Variants in TBCK observed in about 807,000 individuals in gnomAD.
TBCK encodes the protein TBC domain-containing protein kinase-like protein.
Under a neutral mutation model 113.4 loss-of-function variants are expected in TBCK, and 99 were observed. The ratio of observed to expected loss-of-function variants is 0.87; its 90% CI spans 0.74 to 1.03. The LOEUF (loss-of-function observed/expected upper bound fraction) is 1.03. Ranked by LOEUF, TBCK falls within the 50% of genes least tolerant of loss-of-function variation. The pLI is 0.00. For synonymous variants in TBCK, 369 were observed against 370.8 expected (o/e 1.00, Z 0.05); for missense variants, 1,045 against 1,061.3 (o/e 0.98, Z 0.21).
intron 13 of TBCK, 68 bp downstream of exon 13, chr4:106,236,691 T>C (rs979170758): frequency 5.7e-6 from 6 of 1,054,794 alleles, no homozygotes; most frequent in Admixed American, 7.1e-5. Flanking sequence ...AGAAAATGTA[T>C]AAAATTCTTA....
intron 24 of TBCK, among the ~76,000 whole-genome samples, chr4:106,104,482 CT>C (rs149882042): frequency 0.014 from 2,062 of 152,172 alleles, 48 homozygotes; most frequent in African/African-American, 0.046. Flanking sequence ...ATGCAAACTG[CT>C]TTTTTAAGCA....
chr4:106,316,432 G>C, upstream of TBCK: 1 of 1,053,774 alleles, frequency 9.5e-7, no homozygotes, highest in African/African-American at 1.6e-5. Context: ...ATGGGACTGA[G>C]CACAGGAAGA....
At chr4:106,173,264 A>G (rs1012932616) in intron 22 of TBCK, among the ~76,000 whole-genome samples, 1 of 152,192 alleles carries the variant, frequency 6.6e-6, no homozygotes, top group Non-Finnish European at 1.5e-5. Flanking sequence ...AACACAAACT[A>G]GAAGAAAAAT....
chr4:106,232,666 T>C (rs1758997006), intron 17 of TBCK, among the ~76,000 whole-genome samples: 1 of 151,986 alleles, frequency 6.6e-6, no homozygotes, highest in Admixed American at 6.6e-5. Flanking sequence ...GTTTAAAAAA[T>C]GTATCCACAA....
chr4:106,140,592 A>G (rs890457457), intron 23 of TBCK, among the ~76,000 whole-genome samples: 1 of 141,556 alleles, frequency 7.1e-6, no homozygotes, highest in African/African-American at 2.5e-5. Context: ...ACTAGAAACA[A>G]CAATCACCTT....
At chr4:106,182,497 C>T (rs994095286) in intron 22 of TBCK, 8 of 152,072 alleles carry the variant, frequency 5.3e-5, no homozygotes, top group African/African-American at 1.9e-4. Context: ...ATGATATTGG[C>T]TGTGGGTCCG....
intron 1 of TBCK, chr4:106,309,955 G>A (rs753596984): frequency 3.9e-5 from 6 of 152,094 alleles, no homozygotes; most frequent in South Asian, 4.1e-4. Context: ...CCAAAGTTGC[G>A]TAAAGTAGTA....
intron 23 of TBCK, among the ~76,000 whole-genome samples, chr4:106,153,992 A>AG (rs1354293882): frequency 1.3e-5 from 2 of 151,996 alleles, no homozygotes; most frequent in Non-Finnish European, 2.9e-5. Context: ...ACAGATCATT[A>AG]GGTCTTGCTT....
chr4:106,148,881 T>C (rs947069221), intron 23 of TBCK, among the ~76,000 whole-genome samples: 1 of 152,208 alleles, frequency 6.6e-6, no homozygotes, highest in Non-Finnish European at 1.5e-5. Flanking sequence ...TCTCTCTAGC[T>C]ATGAAAGCCC....
chr4:106,288,106 T>TAAA (rs58899758), intron 3 of TBCK, among the ~76,000 whole-genome samples: 2 of 131,938 alleles, frequency 1.5e-5, no homozygotes, highest in Non-Finnish European at 3.3e-5. Context: ...AACCCTTTCT[T>TAAA]AAAAAAAAAA....
In TBCK at chr4:106,194,745, T is replaced by C; in HGVS notation, c.1870A>G (p.Ile624Val). The change falls in exon 21 of 26, where the codon ATC becomes GTC. Residue 624 changes from isoleucine to valine, a missense_variant. Ile to Val is a conservative substitution (Grantham distance 29). Coordinates refer to ENST00000394708, the MANE Select transcript of TBCK (RefSeq NM_001163435.3). The stretch of plus-strand genomic sequence containing the variant: ...GTAAACATGGTAAGAAACCAAGGGA[T>C]GGCATAGAGCTATGAGTGGAAAAAG... ...EIGFIPDLYA[I>V]PWFLTMFTHV... is the part of the protein sequence containing the mutation. 1 of 1,585,638 alleles carries C rather than the reference T, an allele frequency of 6.3e-7. No individual in the cohort carries two copies. The highest frequency in any genetic ancestry group is 8.5e-7 in the Non-Finnish European group (1 of 1,170,690).
intron 4 of TBCK, among the ~76,000 whole-genome samples, chr4:106,261,601 C>T (rs1442310313): frequency 6.6e-6 from 1 of 151,882 alleles, no homozygotes; most frequent in Non-Finnish European, 1.5e-5. Context: ...TCTTAATGCC[C>T]CATAAGATTT....
chr4:106,214,388 G>GAGA lies in TBCK; in HGVS notation c.1775-1556_1775-1554dup, dbSNP rs553980674. Among the ~76,000 whole-genome samples, 7 of 152,186 alleles carry GAGA rather than the reference G, an allele frequency of 4.6e-5. No individual in the cohort carries two copies. In the South Asian group the frequency reaches 1.2e-3, roughly 27 times the overall value. The stretch of plus-strand genomic sequence containing the variant: ...ACGGAGAATGACTTTGACGAGCTGA[G>GAGA]AGAAGGCTTCAGACGATCAAATTAC... On this transcript the variant is annotated intron_variant, in intron 19 of 25. Coordinates refer to ENST00000394708, the MANE Select transcript of TBCK (RefSeq NM_001163435.3).
intron 23 of TBCK, among the ~76,000 whole-genome samples, chr4:106,117,762 C>T (rs942795429): frequency 6.6e-6 from 1 of 152,128 alleles, no homozygotes; most frequent in South Asian, 2.1e-4. Context: ...GTAATCCCAG[C>T]ACTTTGGGAG....
At chr4:106,253,257 T>C (rs1441444290) in intron 5 of TBCK, among the ~76,000 whole-genome samples, 4 of 152,206 alleles carry the variant, frequency 2.6e-5, no homozygotes, top group South Asian at 2.1e-4. Flanking sequence ...TGTATTCTTT[T>C]GCTCTTTCAA....
intron 12 of TBCK, among the ~76,000 whole-genome samples, chr4:106,242,080 G>C (rs1371109749): frequency 2.0e-5 from 3 of 151,958 alleles, no homozygotes; most frequent in African/African-American, 4.8e-5. Flanking sequence ...ATACATAGAA[G>C]AGGTAGGTGA....
intron 23 of TBCK, among the ~76,000 whole-genome samples, chr4:106,155,602 G>A (rs1301181529): frequency 1.3e-5 from 2 of 152,012 alleles, no homozygotes; most frequent in African/African-American, 4.8e-5. Context: ...TCCTCTGACT[G>A]TGTATTTTCA....
intron 5 of TBCK, among the ~76,000 whole-genome samples, chr4:106,256,752 C>A (rs1391395332): frequency 6.6e-6 from 1 of 152,188 alleles, no homozygotes; most frequent in East Asian, 1.9e-4. Flanking sequence ...CACACTGCAG[C>A]CGGCATCATG....
chr4:106,065,006 C>T (rs1261529246), intron 25 of TBCK, among the ~76,000 whole-genome samples: 1 of 151,868 alleles, frequency 6.6e-6, no homozygotes, highest in African/African-American at 2.4e-5. Context: ...GAAACTTTGA[C>T]CTTATGTTAG....
Sources: gnomAD v4.1 joint callset for allele counts (sites outside exome capture counted in the v4.1 genomes callset) on GRCh38, gnomAD v4.1.1 for gene constraint, MANE v1.5 for transcripts, NCBI Gene and HGNC (gene_info 2026-07-23, HGNC 2026-07-21) for gene names.